The following FBLN7 variants were observed in gnomAD, a reference collection of about 807,000 sequenced individuals.
FBLN7 encodes fibulin 7, also known as fibulin-7.
A neutral mutation model predicts 44.0 loss-of-function variants in FBLN7; 31 were observed. The ratio of observed to expected loss-of-function variants is 0.70; its 90% CI spans 0.53 to 0.95. The LOEUF (loss-of-function observed/expected upper bound fraction) is 0.95. Among genes scored for constraint, FBLN7 ranks in the 40% least tolerant of loss-of-function variants. The pLI, the probability that FBLN7 is intolerant of heterozygous loss-of-function variation, is 0.00. For missense variants in FBLN7, 573 were observed against 618.5 expected (o/e 0.93, Z 0.78); for synonymous variants, 262 against 253.4 (o/e 1.03, Z -0.32).
chr2:112,155,024 C>G (rs551777050), intron 1 of FBLN7, among the ~76,000 whole-genome samples: 1 of 152,340 alleles, frequency 6.6e-6, no homozygotes, highest in East Asian at 1.9e-4. Context: ...ACTTGAAACC[C>G]AACGAAAAGT....
intron 1 of FBLN7, among the ~76,000 whole-genome samples, chr2:112,147,635 G>A (rs1680954594): frequency 6.6e-6 from 1 of 152,152 alleles, no homozygotes; most frequent in Non-Finnish European, 1.5e-5. Context: ...CTGGGCTCGT[G>A]GCCCTGCGGC....
chr2:112,164,153 A>G (rs1486111651), intron 2 of FBLN7, among the ~76,000 whole-genome samples: 4 of 152,074 alleles, frequency 2.6e-5, no homozygotes, highest in African/African-American at 4.8e-5. Context: ...GGTTTTGTCT[A>G]TTTTGTTCAT....
intron 4 of FBLN7, 54 bp downstream of exon 4, chr2:112,175,893 A>C: frequency 2.5e-6 from 4 of 1,587,666 alleles, no homozygotes; most frequent in Non-Finnish European, 3.4e-6. Flanking sequence ...GGAGAGGAGG[A>C]CCCTAGGCAT....
At chr2:112,222,382 A>G in the FBLN7 span, among the ~76,000 whole-genome samples, 1 of 152,110 alleles carries the variant, frequency 6.6e-6, no homozygotes, top group African/African-American at 2.4e-5. Context: ...TCTGGCTACA[A>G]GAGGTGGGGG....
At chr2:112,179,753 T>G (rs1165064561) in intron 4 of FBLN7, among the ~76,000 whole-genome samples, 3 of 152,218 alleles carry the variant, frequency 2.0e-5, no homozygotes, top group Admixed American at 2.0e-4. Context: ...AAGACTCCTA[T>G]TCAATAAATG....
At chr2:112,180,230 G>GA (rs1188577437) in intron 4 of FBLN7, among the ~76,000 whole-genome samples, 21 of 151,504 alleles carry the variant, frequency 1.4e-4, no homozygotes, top group African/African-American at 4.6e-4. Flanking sequence ...CAAGCATATG[G>GA]AAAAAAAAGC....
At chr2:112,231,903 G>T in the FBLN7 span, 1 of 1,587,344 alleles carries the variant, frequency 6.3e-7, no homozygotes, top group Non-Finnish European at 8.6e-7. Context: ...TATTCTCCCT[G>T]ATAACATTTT....
chr2:112,148,379 G>C (rs1269457691), intron 1 of FBLN7, among the ~76,000 whole-genome samples: 1 of 152,240 alleles, frequency 6.6e-6, no homozygotes, highest in Non-Finnish European at 1.5e-5. Flanking sequence ...TGAAACAGCA[G>C]GGGCTTGTGA....
At chr2:112,213,298 G>C in the FBLN7 span, 1 of 151,692 alleles carries the variant, frequency 6.6e-6, no homozygotes, top group Non-Finnish European at 1.5e-5. Context: ...TAACCCCCCA[G>C]TGGTTATGCT....
At chr2:112,193,448 C>A in the FBLN7 span, among the ~76,000 whole-genome samples, 1 of 151,974 alleles carries the variant, frequency 6.6e-6, no homozygotes, top group Non-Finnish European at 1.5e-5. Context: ...TCAAAAAAAA[C>A]CAGAAATGGC....
the FBLN7 span, among the ~76,000 whole-genome samples, chr2:112,221,728 T>C: frequency 6.6e-6 from 1 of 152,110 alleles, no homozygotes. Flanking sequence ...GTCTGGTTCT[T>C]TCTTATAATG....
At chr2:112,186,399 G>A (rs1306856668) in intron 7 of FBLN7, among the ~76,000 whole-genome samples, 1 of 152,142 alleles carries the variant, frequency 6.6e-6, no homozygotes, top group African/African-American at 2.4e-5. Flanking sequence ...GAGCACTCTG[G>A]GAGGCCGAGG....
intron 3 of FBLN7, among the ~76,000 whole-genome samples, chr2:112,169,983 G>A (rs1682366818): frequency 6.6e-6 from 1 of 152,194 alleles, no homozygotes; most frequent in Non-Finnish European, 1.5e-5. Context: ...GTTCATGCCT[G>A]TAATCCTAGC....
the FBLN7 span, among the ~76,000 whole-genome samples, chr2:112,220,646 A>G: frequency 6.6e-6 from 1 of 151,764 alleles, no homozygotes; most frequent in African/African-American, 2.4e-5. Flanking sequence ...ACATGGAGAA[A>G]CCCCGTCTTC....
the FBLN7 span, among the ~76,000 whole-genome samples, chr2:112,197,274 C>CACACACACACACACACAGAG: frequency 3.0e-5 from 3 of 98,660 alleles, no homozygotes; most frequent in Middle Eastern, 6.0e-3. Flanking sequence ...CACACACACA[C>CACACACACACACACACAGAG]AGAGAGAGAG....
chr2:112,200,604 G>A, the FBLN7 span, among the ~76,000 whole-genome samples: 100 of 152,130 alleles, frequency 6.6e-4, no homozygotes, highest in African/African-American at 2.3e-3. Context: ...GCACAATCTC[G>A]GCTCACTGCC....
chr2:112,224,737 C>G, the FBLN7 span, among the ~76,000 whole-genome samples: 1 of 152,134 alleles, frequency 6.6e-6, no homozygotes, highest in Non-Finnish European at 1.5e-5. Flanking sequence ...CTATATAATT[C>G]TGCTTATATG....
chr2:112,218,582 T>A, the FBLN7 span, among the ~76,000 whole-genome samples: 1 of 152,182 alleles, frequency 6.6e-6, no homozygotes, highest in African/African-American at 2.4e-5. Flanking sequence ...GGTTGACTCT[T>A]GAACAACACA....
intron 6 of FBLN7, among the ~76,000 whole-genome samples, chr2:112,184,353 T>C (rs7575546): frequency 0.03 from 4,580 of 152,132 alleles, 216 homozygotes; most frequent in African/African-American, 0.1. Context: ...TGACATCCCA[T>C]TGGGGCCCCG....
Sources: gnomAD v4.1 joint callset for allele counts (sites outside exome capture counted in the v4.1 genomes callset) on GRCh38, gnomAD v4.1.1 for gene constraint, MANE v1.5 for transcripts, NCBI Gene and HGNC (gene_info 2026-07-23, HGNC 2026-07-21) for gene names.